The following CEP112 variants were observed in gnomAD, a reference collection of about 807,000 sequenced individuals.
CEP112 encodes the protein centrosomal protein of 112 kDa.
A neutral mutation model predicts 153.0 loss-of-function variants in CEP112; 127 were observed. The observed-to-expected ratio is 0.83, with a 90% CI of 0.72 to 0.96. The LOEUF is 0.96. CEP112 is among the 40% of genes least tolerant of loss of function. The probability of loss-of-function intolerance (pLI) is 0.00; values close to 1 mark genes in which losing one functional copy is unlikely to be tolerated. For missense variants in CEP112, 1,089 were observed against 1,101.2 expected (o/e 0.99, Z 0.16); for synonymous variants, 358 against 374.4 (o/e 0.96, Z 0.51).
At chr17:65,705,384 G>C (rs232150) in intron 23 of CEP112, among the ~76,000 whole-genome samples, 1 of 151,970 alleles carries the variant, frequency 6.6e-6, no homozygotes, top group Non-Finnish European at 1.5e-5. Flanking sequence ...TTTTGGCAAG[G>C]GGAATAAAAC....
intron 6 of CEP112, among the ~76,000 whole-genome samples, chr17:66,121,570 G>T (rs2069592881): frequency 6.6e-6 from 1 of 152,084 alleles, no homozygotes; most frequent in Admixed American, 6.6e-5. Flanking sequence ...TCTTTGGCCT[G>T]CATAATCTCT....
intron 2 of CEP112, among the ~76,000 whole-genome samples, chr17:66,178,153 G>A (rs1425363749): frequency 6.6e-6 from 1 of 152,146 alleles, no homozygotes; most frequent in Non-Finnish European, 1.5e-5. Context: ...CTTCTCCGTA[G>A]TCACTCCACT....
chr17:66,182,976 G>A (rs948769848), intron 2 of CEP112, among the ~76,000 whole-genome samples: 1 of 152,106 alleles, frequency 6.6e-6, no homozygotes, highest in Admixed American at 6.5e-5. Flanking sequence ...CATGTGAGAC[G>A]AGGCATCACA....
chr17:65,751,727 A>C (rs2051862697), intron 21 of CEP112, among the ~76,000 whole-genome samples: 1 of 152,164 alleles, frequency 6.6e-6, no homozygotes, highest in Non-Finnish European at 1.5e-5. Context: ...ATATTCTGCC[A>C]TCATATTCAT....
At chr17:65,941,406 C>G (rs939763252) in intron 18 of CEP112, 4 of 152,030 alleles carry the variant, frequency 2.6e-5, no homozygotes, top group African/African-American at 4.8e-5. Context: ...TAAATAACAA[C>G]TGATATTATA....
chr17:65,711,158 C>T (rs2049163690), intron 23 of CEP112, among the ~76,000 whole-genome samples: 2 of 152,132 alleles, frequency 1.3e-5, no homozygotes, highest in Non-Finnish European at 2.9e-5. Context: ...AGGTCATCTC[C>T]CAGCACTAAA....
chr17:65,903,152 C>T (rs2059937788), intron 19 of CEP112: 1 of 152,272 alleles, frequency 6.6e-6, no homozygotes, highest in African/African-American at 2.4e-5. Flanking sequence ...TAGGGGACGG[C>T]AGGAAGCCAG....
At chr17:65,650,730 TAAA>T (rs71361240) in intron 24 of CEP112, among the ~76,000 whole-genome samples, 6 of 44,232 alleles carry the variant, frequency 1.4e-4, no homozygotes, top group Admixed American at 2.7e-4. Flanking sequence ...AACTCTCTAC[TAAA>T]AAAAAAAAAA....
intron 8 of CEP112, among the ~76,000 whole-genome samples, chr17:66,072,179 T>C (rs1473487415): frequency 6.6e-6 from 1 of 152,198 alleles, no homozygotes; most frequent in African/African-American, 2.4e-5. Flanking sequence ...ATTTGTAAAT[T>C]AGAAGCATCC....
chr17:66,086,760 AAATAT>A (rs1378755544), intron 8 of CEP112, among the ~76,000 whole-genome samples: 1 of 152,074 alleles, frequency 6.6e-6, no homozygotes, highest in Non-Finnish European at 1.5e-5. Flanking sequence ...AAAAAAACGT[AAATAT>A]ATTACCAGTA....
At chr17:65,835,541 T>C (rs2057273716) in intron 21 of CEP112, among the ~76,000 whole-genome samples, 1 of 151,908 alleles carries the variant, frequency 6.6e-6, no homozygotes, top group African/African-American at 2.4e-5. Context: ...CAGAAGAGAG[T>C]AGGATGCTAT....
At chr17:66,138,495 G>C (rs1286324511) in intron 4 of CEP112, among the ~76,000 whole-genome samples, 2 of 152,110 alleles carry the variant, frequency 1.3e-5, no homozygotes, top group Non-Finnish European at 2.9e-5. Context: ...GGACAACTTG[G>C]ATGGTTTCAT....
At chr17:66,045,180 C>T (rs2066151305) in intron 12 of CEP112, among the ~76,000 whole-genome samples, 1 of 152,096 alleles carries the variant, frequency 6.6e-6, no homozygotes, top group East Asian at 1.9e-4. Flanking sequence ...AAGCAATCCT[C>T]CCACCTCGGC....
At chr17:65,844,438 C>G (rs1045768958) in intron 21 of CEP112, among the ~76,000 whole-genome samples, 1 of 152,254 alleles carries the variant, frequency 6.6e-6, no homozygotes, top group East Asian at 1.9e-4. Flanking sequence ...ATAATCACAG[C>G]ACTTTAGGAG....
At chr17:65,946,029 C>T (rs2061638945) in intron 18 of CEP112, among the ~76,000 whole-genome samples, 1 of 152,136 alleles carries the variant, frequency 6.6e-6, no homozygotes, top group Non-Finnish European at 1.5e-5. Flanking sequence ...CCCATTTGTC[C>T]ATTTGAAGTC....
At chr17:66,121,849 T>A (rs2069611657) in intron 6 of CEP112, among the ~76,000 whole-genome samples, 1 of 152,062 alleles carries the variant, frequency 6.6e-6, no homozygotes, top group African/African-American at 2.4e-5. Context: ...CTTTATGATA[T>A]TCTGTATTTG....
intron 16 of CEP112, among the ~76,000 whole-genome samples, chr17:66,006,681 C>T (rs533551060): frequency 5.9e-5 from 9 of 152,118 alleles, no homozygotes; most frequent in Admixed American, 6.5e-5. Flanking sequence ...GGACATTTTA[C>T]GGATCTTAAA....
At chr17:65,656,972 T>C (rs1387697063) in intron 24 of CEP112, among the ~76,000 whole-genome samples, 4 of 152,238 alleles carry the variant, frequency 2.6e-5, no homozygotes, top group Non-Finnish European at 4.4e-5. Flanking sequence ...CATCTCAGTA[T>C]TGCAGTTCTT....
chr17:66,162,667 G>C (rs2071762815), intron 4 of CEP112, among the ~76,000 whole-genome samples: 1 of 152,086 alleles, frequency 6.6e-6, no homozygotes, highest in Non-Finnish European at 1.5e-5. Context: ...AAACAAAAGG[G>C]AACACGCTTT....
Sources: gnomAD v4.1 joint callset for allele counts (sites outside exome capture counted in the v4.1 genomes callset) on GRCh38, gnomAD v4.1.1 for gene constraint, MANE v1.5 for transcripts, NCBI Gene and HGNC (gene_info 2026-07-23, HGNC 2026-07-21) for gene names.